PTPRM: variants seen among roughly 807,000 people sequenced by gnomAD.
PTPRM encodes protein tyrosine phosphatase receptor type M, also known as receptor-type tyrosine-protein phosphatase mu.
In PTPRM, 47 loss-of-function variants were observed where a neutral mutation model predicts 186.7. That is an observed-to-expected ratio of 0.25 (90% CI 0.20 to 0.32). The LOEUF (loss-of-function observed/expected upper bound fraction) is 0.32. PTPRM is among the 10% of genes least tolerant of loss of function. The pLI, the probability that PTPRM is intolerant of heterozygous loss-of-function variation, is 1.00. For missense variants in PTPRM, 1,494 were observed against 1,865.0 expected (o/e 0.80, Z 3.66); for synonymous variants, 668 against 674.9 (o/e 0.99, Z 0.16).
chr18:7,580,514 T>C (rs926227129), intron 1 of PTPRM, among the ~76,000 whole-genome samples: 2 of 152,248 alleles, frequency 1.3e-5, no homozygotes, highest in Non-Finnish European at 2.9e-5. Context: ...TGTTAAGGCC[T>C]GTGGCTTTCT....
At chr18:8,130,631 A>G (rs1392624467) in intron 13 of PTPRM, among the ~76,000 whole-genome samples, 3 of 152,158 alleles carry the variant, frequency 2.0e-5, no homozygotes, top group African/African-American at 7.2e-5. Context: ...AGATGATAGG[A>G]AAGTGTACCT....
intron 1 of PTPRM, among the ~76,000 whole-genome samples, chr18:7,764,452 C>G (rs1199690364): frequency 6.6e-6 from 1 of 152,172 alleles, no homozygotes; most frequent in Non-Finnish European, 1.5e-5. Flanking sequence ...AGCACTCTTT[C>G]TGGGTCAATG....
At chr18:7,792,836 T>C (rs1174196405) in intron 2 of PTPRM, among the ~76,000 whole-genome samples, 4 of 148,532 alleles carry the variant, frequency 2.7e-5, no homozygotes, top group Admixed American at 6.6e-5. Context: ...GGCTAATTTT[T>C]TTGTTTTTTG....
At chr18:7,638,623 G>T (rs1283455570) in intron 1 of PTPRM, among the ~76,000 whole-genome samples, 1 of 152,196 alleles carries the variant, frequency 6.6e-6, no homozygotes, top group African/African-American at 2.4e-5. Context: ...GCAAAAACAT[G>T]AAGTACTACA....
At chr18:8,399,499 T>C (rs2095861035) in intron 32 of PTPRM, among the ~76,000 whole-genome samples, 1 of 152,222 alleles carries the variant, frequency 6.6e-6, no homozygotes, top group Non-Finnish European at 1.5e-5. Flanking sequence ...TCAACAAAGC[T>C]GTTGTTTTTT....
intron 32 of PTPRM, among the ~76,000 whole-genome samples, chr18:8,395,651 C>T (rs1267424621): frequency 1.3e-5 from 2 of 152,078 alleles, no homozygotes; most frequent in Admixed American, 1.3e-4. Flanking sequence ...TTGTCACACC[C>T]ACTTGGTTAG....
intron 23 of PTPRM, among the ~76,000 whole-genome samples, chr18:8,369,715 C>T (rs1340882275): frequency 3.3e-5 from 5 of 152,164 alleles, no homozygotes; most frequent in East Asian, 1.9e-4. Context: ...CAACACTTTT[C>T]GAGGCCAAGG....
At chr18:8,033,729 G>C (rs866269609) in intron 7 of PTPRM, among the ~76,000 whole-genome samples, 2 of 152,298 alleles carry the variant, frequency 1.3e-5, no homozygotes, top group Middle Eastern at 6.8e-3. Context: ...AAACCGAAAA[G>C]TTTGTTTTTA....
chr18:8,173,085 T>A (rs2146483554), intron 14 of PTPRM, among the ~76,000 whole-genome samples: 1 of 152,348 alleles, frequency 6.6e-6, no homozygotes, highest in African/African-American at 2.4e-5. Flanking sequence ...TTGAGATGAC[T>A]ACTTACTCAA....
chr18:7,676,872 T>C (rs889501669), intron 1 of PTPRM, among the ~76,000 whole-genome samples: 3 of 152,202 alleles, frequency 2.0e-5, no homozygotes, highest in African/African-American at 7.2e-5. Context: ...AAGGTGAGTA[T>C]GTTTTTAGTT....
At chr18:7,847,392 C>G (rs896130172) in intron 2 of PTPRM, among the ~76,000 whole-genome samples, 1 of 152,036 alleles carries the variant, frequency 6.6e-6, no homozygotes, top group African/African-American at 2.4e-5. Flanking sequence ...GTCTCAAACT[C>G]CTGGGCTTAA....
chr18:7,729,480 A>G (rs2040613732), intron 1 of PTPRM, among the ~76,000 whole-genome samples: 2 of 152,088 alleles, frequency 1.3e-5, no homozygotes, highest in Non-Finnish European at 2.9e-5. Flanking sequence ...TCTGCTACAG[A>G]CAGAACTTCC....
intron 14 of PTPRM, among the ~76,000 whole-genome samples, chr18:8,210,650 G>A (rs924157953): frequency 6.6e-6 from 1 of 152,298 alleles, no homozygotes; most frequent in Non-Finnish European, 1.5e-5. Context: ...GGTCATGGGT[G>A]GATATGAAAC....
chr18:7,653,554 CAGTG>C (rs1392190430), intron 1 of PTPRM, among the ~76,000 whole-genome samples: 1 of 152,066 alleles, frequency 6.6e-6, no homozygotes, highest in Non-Finnish European at 1.5e-5. Flanking sequence ...TCCCCCTTAT[CAGTG>C]AGAACATGTT....
At chr18:7,635,175 A>G (rs994212456) in intron 1 of PTPRM, among the ~76,000 whole-genome samples, 2 of 152,184 alleles carry the variant, frequency 1.3e-5, no homozygotes, top group African/African-American at 2.4e-5. Flanking sequence ...TATTTCATAT[A>G]TGTTGGAGTT....
chr18:8,322,632 T>C (rs1262675700), intron 22 of PTPRM, among the ~76,000 whole-genome samples: 3 of 152,138 alleles, frequency 2.0e-5, no homozygotes, highest in Non-Finnish European at 4.4e-5. Flanking sequence ...GCTCAAGTGA[T>C]GGGCAGAAGA....
intron 11 of PTPRM, among the ~76,000 whole-genome samples, chr18:8,101,106 T>C (rs1200513363): frequency 6.6e-6 from 1 of 152,210 alleles, no homozygotes; most frequent in African/African-American, 2.4e-5. Flanking sequence ...GGTAGGACTG[T>C]TTATAGATAA....
chr18:7,604,301 A>G (rs1259153199), intron 1 of PTPRM, among the ~76,000 whole-genome samples: 2 of 152,238 alleles, frequency 1.3e-5, no homozygotes, highest in East Asian at 1.9e-4. Context: ...GCCTGGCCAC[A>G]TGCCAGATGC....
chr18:8,117,614 GTAT>G (rs1302140483), intron 13 of PTPRM, among the ~76,000 whole-genome samples: 2 of 152,076 alleles, frequency 1.3e-5, no homozygotes, highest in Non-Finnish European at 2.9e-5. Flanking sequence ...AACCTAAGCT[GTAT>G]TATTATATAT....
Sources: gnomAD v4.1 joint callset for allele counts (sites outside exome capture counted in the v4.1 genomes callset) on GRCh38, gnomAD v4.1.1 for gene constraint, MANE v1.5 for transcripts, NCBI Gene and HGNC (gene_info 2026-07-23, HGNC 2026-07-21) for gene names.